Variants in GPD2 observed in about 807,000 individuals in gnomAD.
GPD2 encodes glycerol-3-phosphate dehydrogenase, mitochondrial.
In GPD2, 54 loss-of-function variants were observed where a neutral mutation model predicts 82.4. The observed-to-expected ratio is 0.66, with a 90% CI of 0.53 to 0.82. GPD2 has a LOEUF of 0.82. Ranked by LOEUF, GPD2 falls within the 40% of genes least tolerant of loss-of-function variation. GPD2 has a pLI of 0.00. For synonymous variants in GPD2, 288 were observed against 306.1 expected (o/e 0.94, Z 0.62); for missense variants, 748 against 896.2 (o/e 0.83, Z 2.11).
the GPD2 span, among the ~76,000 whole-genome samples, chr2:156,425,388 T>C: frequency 6.6e-6 from 1 of 152,324 alleles, no homozygotes; most frequent in South Asian, 2.1e-4. Flanking sequence ...GCATTTATCT[T>C]CTTTTCAAGC....
At chr2:156,405,868 C>T in the GPD2 span, among the ~76,000 whole-genome samples, 4 of 152,146 alleles carry the variant, frequency 2.6e-5, no homozygotes, top group Non-Finnish European at 4.4e-5. Flanking sequence ...ACACCCAGTG[C>T]GACAGGCAGG....
Position 156,483,987 on chromosome 2 carries a change from C to CT in GPD2, c.102+7804dup, listed in dbSNP as rs10610989. The stretch of plus-strand genomic sequence containing the variant: ...CATGACACATTTATTTGCTTGCTTG[C>CT]TTTTTTTTTTTTTTTTTTTTTTTTA... On this transcript the variant is annotated intron_variant, in intron 2 of 16. Coordinates refer to ENST00000438166, the MANE Select transcript of GPD2 (RefSeq NM_000408.5). 6.7e-3 allele frequency among the ~76,000 whole-genome samples: 617 copies of CT among 92,252 alleles called. 7 individuals are homozygous for CT. The highest frequency in any genetic ancestry group is 0.018 in the African/African-American group (474 of 25,636). 60.5% of individuals were successfully genotyped at this position (92,252 alleles called of 152,430 possible). A position where few individuals can be genotyped will look rare whatever the true frequency, so the allele number is the denominator to read the frequency against.
In GPD2 at chr2:156,570,068, C is replaced by A. The variant is rs201104051; in HGVS notation, c.1477-19C>A. ...ATTGATATTCAAAGTGCCTGCCTAA[C>A]GCAGCTTTATTTCTCTAGGTGGCAC... is the stretch of plus-strand genomic sequence containing the variant. On this transcript the variant is annotated intron_variant, in intron 11 of 16. Transcript: ENST00000438166. 2.1e-5 allele frequency: 33 copies of A among 1,609,288 alleles called. No individual in the cohort carries two copies. In the Admixed American group the frequency reaches 3.7e-4, roughly 18 times the overall value.
At chr2:156,509,475 T>G (rs1014874027) in intron 3 of GPD2, among the ~76,000 whole-genome samples, 1 of 152,206 alleles carries the variant, frequency 6.6e-6, no homozygotes, top group Non-Finnish European at 1.5e-5. Context: ...CTGGATTCTA[T>G]GACATTCTTT....
chr2:156,422,356 A>G, the GPD2 span, among the ~76,000 whole-genome samples: 1 of 152,202 alleles, frequency 6.6e-6, no homozygotes, highest in Non-Finnish European at 1.5e-5. Context: ...TGTTATCTAT[A>G]ATACAGATTG....
chr2:156,482,973 G>A (rs1683789620), intron 2 of GPD2, among the ~76,000 whole-genome samples: 1 of 152,080 alleles, frequency 6.6e-6, no homozygotes, highest in East Asian at 1.9e-4. Context: ...TTTTGAGAAC[G>A]TTGTTTTAAC....
chr2:156,418,162 C>T, the GPD2 span, among the ~76,000 whole-genome samples: 11 of 151,904 alleles, frequency 7.2e-5, no homozygotes, highest in Admixed American at 2.0e-4. Flanking sequence ...TTGCAGTGCG[C>T]GGAGATTGAG....
intron 1 of GPD2, among the ~76,000 whole-genome samples, chr2:156,461,848 T>C (rs1014855341): frequency 2.0e-5 from 3 of 152,236 alleles, no homozygotes; most frequent in Non-Finnish European, 4.4e-5. Flanking sequence ...ATCTGCCAGG[T>C]ATTCAGTCAA....
Position 156,510,907 on chromosome 2 carries a change from TG to T in GPD2, c.388del (p.Asp130IlefsTer8), listed in dbSNP as rs749797904. ...VRYLQKAIMK[L>X]DIEQYRMVKE... ...TATCTGCAGAAGGCCATCATGAAGT[TG>T]GATATTGAGCAGGTAATTGTGTATG... On this transcript the variant is annotated frameshift_variant, in exon 4 of 17. Coordinates refer to ENST00000438166, the MANE Select transcript of GPD2 (RefSeq NM_000408.5). LOFTEE classifies it high-confidence loss of function. The T allele has an allele frequency of 1.6e-5, 26 of 1,613,648 alleles. No homozygotes were observed. Among genetic ancestry groups the T allele is most frequent in the Middle Eastern group, 3.3e-4 (2 of 6,080 alleles).
chr2:156,576,415 T>C (rs890573356), intron 13 of GPD2, among the ~76,000 whole-genome samples: 3 of 151,902 alleles, frequency 2.0e-5, no homozygotes, highest in Admixed American at 6.6e-5. Flanking sequence ...AAAAGAAAAC[T>C]CTAAGGAGGA....
chr2:156,466,874 A>G (rs1683168268), intron 1 of GPD2, among the ~76,000 whole-genome samples: 1 of 152,076 alleles, frequency 6.6e-6, no homozygotes, highest in Admixed American at 6.5e-5. Context: ...AAACTAGCTC[A>G]ACTCGTTTCT....
In GPD2 at chr2:156,519,872, G is replaced by A. The variant is rs151112370; in HGVS notation, c.661+6376G>A. ...GTGTGTTATGATTAATGCTCTTTTG[G>A]CAGTTGCCATCCAAGATGGCTAAGT... is the stretch of plus-strand genomic sequence containing the variant. On this transcript the variant is annotated intron_variant, in intron 6 of 16. Coordinates refer to ENST00000438166, the MANE Select transcript of GPD2 (RefSeq NM_000408.5). Among the ~76,000 whole-genome samples the A allele has an allele frequency of 2.3e-3, 349 of 152,328 alleles. 2 individuals are homozygous for A. Among genetic ancestry groups the A allele is most frequent in the African/African-American group, 7.4e-3 (307 of 41,584 alleles).
At chr2:156,547,856 A>G (rs1360654294) in intron 6 of GPD2, among the ~76,000 whole-genome samples, 1 of 152,228 alleles carries the variant, frequency 6.6e-6, no homozygotes, top group Non-Finnish European at 1.5e-5. Context: ...CATTTCATAA[A>G]TGGAATTTCT....
intron 6 of GPD2, among the ~76,000 whole-genome samples, chr2:156,527,299 A>G (rs1685645596): frequency 6.6e-6 from 1 of 152,152 alleles, no homozygotes; most frequent in Non-Finnish European, 1.5e-5. Flanking sequence ...TAGTTTTTAT[A>G]AATATAACTA....
chr2:156,564,642 A>G (rs959038983), intron 9 of GPD2, among the ~76,000 whole-genome samples: 1 of 152,110 alleles, frequency 6.6e-6, no homozygotes, highest in Non-Finnish European at 1.5e-5. Flanking sequence ...CATAAAAACC[A>G]TTACATCTCA....
chr2:156,420,302 G>T, the GPD2 span, among the ~76,000 whole-genome samples: 2 of 152,102 alleles, frequency 1.3e-5, no homozygotes, highest in Middle Eastern at 3.4e-3. Context: ...CTCCCTAGTG[G>T]CTGGGACTAC....
chr2:156,499,093 A>G (rs1684492830), intron 3 of GPD2, among the ~76,000 whole-genome samples: 1 of 152,216 alleles, frequency 6.6e-6, no homozygotes. Flanking sequence ...ATTCTAAGAC[A>G]TAAAGAGTTT....
chr2:156,471,707 A>G (rs941109507), intron 1 of GPD2, among the ~76,000 whole-genome samples: 1 of 152,148 alleles, frequency 6.6e-6, no homozygotes, highest in Non-Finnish European at 1.5e-5. Context: ...GTCAGAGTCA[A>G]TTTCTTGCAA....
intron 1 of GPD2, among the ~76,000 whole-genome samples, chr2:156,450,980 G>A (rs1368209899): frequency 1.5e-5 from 2 of 134,884 alleles, no homozygotes; most frequent in South Asian, 2.6e-4. Flanking sequence ...AGGGTTGGGG[G>A]TAAGGTCACA....
Sources: allele counts gnomAD v4.1 joint callset (sites outside exome capture counted in the v4.1 genomes callset), GRCh38; gene constraint gnomAD v4.1.1; transcripts MANE v1.5; gene names NCBI Gene and HGNC (gene_info 2026-07-23, HGNC 2026-07-21).